Variants in SEM1 observed in about 807,000 individuals in gnomAD.
SEM1 encodes SEM1 26S proteasome subunit.
Under a neutral mutation model 12.7 loss-of-function variants are expected in SEM1, and 3 were observed. The observed-to-expected ratio is 0.24, with a 90% CI of 0.11 to 0.61. The LOEUF (loss-of-function observed/expected upper bound fraction) is 0.61. Among genes scored for constraint, SEM1 ranks in the 20% least tolerant of loss-of-function variants. The pLI is 0.88. For missense variants in SEM1, 59 were observed against 81.3 expected (o/e 0.73, Z 1.06); for synonymous variants, 30 against 27.8 (o/e 1.08, Z -0.25).
intron 2 of SEM1, among the ~76,000 whole-genome samples, chr7:96,691,215 TG>T (rs1237017229): frequency 6.6e-6 from 1 of 152,140 alleles, no homozygotes; most frequent in Non-Finnish European, 1.5e-5. Flanking sequence ...AAGAACAAAG[TG>T]GCCTTATTCT....
chr7:96,504,530 CAGTT>C (rs1210399765), intron 3 of SEM1, among the ~76,000 whole-genome samples: 2 of 152,122 alleles, frequency 1.3e-5, no homozygotes, highest in African/African-American at 2.4e-5. Flanking sequence ...ATTATTTCAT[CAGTT>C]AGTTACTGAA....
chr7:96,585,075 T>C lies in SEM1; in HGVS notation c.171-78377A>G, dbSNP rs532591346. ...TTTAGAGTTTCCAGTTTTTCTGCTC[T>C]GTTTTTTCCCCATCTTTGTGGTTTT... is the stretch of plus-strand genomic sequence containing the variant. On this transcript the variant is annotated intron_variant and NMD_transcript_variant, in intron 2 of 3. Coordinates refer to the SEM1 transcript ENST00000466986. Among the ~76,000 whole-genome samples, 743 of 152,260 alleles carry C rather than the reference T, an allele frequency of 4.9e-3. 4 individuals are homozygous for C. Among genetic ancestry groups the C allele is most frequent in the Non-Finnish European group, 7.0e-3 (477 of 68,020 alleles).
At chr7:96,657,484 G>A (rs890489335) in intron 2 of SEM1, among the ~76,000 whole-genome samples, 2 of 152,134 alleles carry the variant, frequency 1.3e-5, no homozygotes, top group African/African-American at 4.8e-5. Flanking sequence ...TAAAATCAAG[G>A]GAAAAGAGAA....
intron 2 of SEM1, among the ~76,000 whole-genome samples, chr7:96,602,823 A>G (rs1807233841): frequency 6.6e-6 from 1 of 152,242 alleles, no homozygotes; most frequent in African/African-American, 2.4e-5. Context: ...AAATTAATGG[A>G]AACTTCCTCA....
intron 2 of SEM1, among the ~76,000 whole-genome samples, chr7:96,584,212 C>G (rs1285798755): frequency 6.6e-6 from 1 of 152,032 alleles, no homozygotes; most frequent in Non-Finnish European, 1.5e-5. Context: ...TATTTTATTT[C>G]TCCTTCATTT....
rs201188530 is a variant in SEM1, at chr7:96,666,637, AT to A, written c.170+28160del. Among the ~76,000 whole-genome samples the A allele has an allele frequency of 6.8e-3, 911 of 134,448 alleles. 1 individual carries two copies. The highest frequency in any genetic ancestry group is 0.014 in the East Asian group (63 of 4,626). The allele number at this position is 134,448 out of a possible 152,430, so 88.2% of individuals were successfully genotyped here. Reference sequence around the variant, plus strand: ...TGCTTGAATGCTGCTATTGAATCCAATTTTTTTTTTTTTTTTTGCCTCAACC... The same window carrying A: ...TGCTTGAATGCTGCTATTGAATCCAATTTTTTTTTTTTTTTTGCCTCAACC... On this transcript the variant is annotated intron_variant, in intron 2 of 2. Transcript: ENST00000417009.
intron 2 of SEM1, among the ~76,000 whole-genome samples, chr7:96,638,168 A>T (rs2116375319): frequency 6.6e-6 from 1 of 152,162 alleles, no homozygotes; most frequent in Middle Eastern, 3.4e-3. Flanking sequence ...TTTCAAGATG[A>T]TTTGTGATGA....
intron 2 of SEM1, among the ~76,000 whole-genome samples, chr7:96,559,842 G>T (rs1375642243): frequency 6.6e-6 from 1 of 152,144 alleles, no homozygotes; most frequent in Non-Finnish European, 1.5e-5. Flanking sequence ...GCAGTGACAA[G>T]CATGTCACTT....
chr7:96,631,611 A>G (rs1808264687), intron 2 of SEM1, among the ~76,000 whole-genome samples: 1 of 152,098 alleles, frequency 6.6e-6, no homozygotes, highest in African/African-American at 2.4e-5. Flanking sequence ...CTAGAAGAAA[A>G]CCTGGGCAAT....
At chr7:96,689,033 A>G in intron 2 of SEM1, 67 bp from the exon 3 acceptor site, 1 of 973,406 alleles carries the variant, frequency 1.0e-6, no homozygotes, top group Non-Finnish European at 1.6e-6. Flanking sequence ...GAAACAATAC[A>G]ATAAATAAAC....
chr7:96,515,882 CG>C (rs1444224368), intron 2 of SEM1, among the ~76,000 whole-genome samples: 1 of 151,784 alleles, frequency 6.6e-6, no homozygotes. Flanking sequence ...GTTGCGGGGT[CG>C]GGGACTGGGG....
chr7:96,513,106 G>C (rs6947498), intron 2 of SEM1, among the ~76,000 whole-genome samples: 2 of 152,040 alleles, frequency 1.3e-5, no homozygotes, highest in Admixed American at 1.3e-4. Context: ...ATATAACCGT[G>C]TCCTTATAAA....
chr7:96,569,096 T>A (rs1299642497), intron 2 of SEM1, among the ~76,000 whole-genome samples: 6 of 151,946 alleles, frequency 3.9e-5, no homozygotes, highest in Non-Finnish European at 5.9e-5. Context: ...CCAGTTTTTT[T>A]AAGATGCGAC....
At chr7:96,623,362 T>C (rs943371074) in intron 2 of SEM1, among the ~76,000 whole-genome samples, 19 of 151,676 alleles carry the variant, frequency 1.3e-4, no homozygotes, top group Non-Finnish European at 2.7e-4. Context: ...CCTTCATAAT[T>C]GCATAACTGC....
downstream of SEM1, among the ~76,000 whole-genome samples, chr7:96,621,487 G>A (rs556349770): frequency 5.3e-5 from 8 of 152,312 alleles, no homozygotes; most frequent in Admixed American, 4.6e-4. Flanking sequence ...AAATGAAAGA[G>A]CAGCTGAGCT....
downstream of SEM1, chr7:96,673,370 C>T (rs1281305033): frequency 5.8e-5 from 10 of 172,854 alleles, no homozygotes; most frequent in African/African-American, 2.3e-4. Flanking sequence ...CTGCCTTGCC[C>T]TCCCAAAGTG....
At chr7:96,529,027 G>A (rs7808600) in intron 2 of SEM1, among the ~76,000 whole-genome samples, 132,058 of 152,142 alleles carry the variant, frequency 0.87, 57,969 homozygotes, top group Non-Finnish European at 0.95. Flanking sequence ...AGTCTATCCT[G>A]CAACTCATTT....
intron 2 of SEM1, among the ~76,000 whole-genome samples, chr7:96,593,055 G>T (rs2116146364): frequency 6.7e-6 from 1 of 150,168 alleles, no homozygotes; most frequent in Non-Finnish European, 1.5e-5. Flanking sequence ...TCTCCAAGTA[G>T]GGGCCCCCAT....
downstream of SEM1, among the ~76,000 whole-genome samples, chr7:96,618,103 A>AT (rs1445681381): frequency 6.6e-6 from 1 of 152,240 alleles, no homozygotes; most frequent in East Asian, 1.9e-4. Context: ...AAGGATTGGT[A>AT]TTAGTTCTTT....
Sources: allele counts gnomAD v4.1 joint callset (sites outside exome capture counted in the v4.1 genomes callset), GRCh38; gene constraint gnomAD v4.1.1; transcripts MANE v1.5; gene names NCBI Gene and HGNC (gene_info 2026-07-23, HGNC 2026-07-21).